The following NAALADL2 variants were observed in gnomAD, a reference collection of about 807,000 sequenced individuals.
NAALADL2 encodes N-acetylated alpha-linked acidic dipeptidase like 2.
A neutral mutation model predicts 87.2 loss-of-function variants in NAALADL2; 76 were observed. The ratio of observed to expected loss-of-function variants is 0.87; its 90% CI spans 0.72 to 1.05. NAALADL2 has a LOEUF of 1.05. Ranked by LOEUF, NAALADL2 falls within the 50% of genes least tolerant of loss-of-function variation. The pLI is 0.00. For missense variants in NAALADL2, 1,089 were observed against 945.8 expected (o/e 1.15, Z -1.99); for synonymous variants, 354 against 331.0 (o/e 1.07, Z -0.75).
chr3:175,323,006 A>G (rs1297771009), intron 4 of NAALADL2, among the ~76,000 whole-genome samples: 2 of 151,754 alleles, frequency 1.3e-5, no homozygotes, highest in African/African-American at 2.4e-5. Flanking sequence ...CCAAAAGACT[A>G]TAAATCATGC....
intron 5 of NAALADL2, among the ~76,000 whole-genome samples, chr3:175,326,472 C>A (rs747490691): frequency 3.3e-5 from 5 of 152,106 alleles, no homozygotes; most frequent in Non-Finnish European, 7.4e-5. Flanking sequence ...CAGCCTTTAC[C>A]CATTATCCAC....
chr3:174,603,670 G>T (rs1053095651), intron 2 of NAALADL2, among the ~76,000 whole-genome samples: 21 of 151,686 alleles, frequency 1.4e-4, no homozygotes, highest in African/African-American at 3.9e-4. Flanking sequence ...GCATTGTTAG[G>T]TTGTTTATTT....
intron 5 of NAALADL2, among the ~76,000 whole-genome samples, chr3:175,329,158 C>T (rs889388244): frequency 4.6e-5 from 7 of 152,120 alleles, no homozygotes; most frequent in African/African-American, 1.7e-4. Context: ...TCCTTATGTA[C>T]CATTTTCAGA....
chr3:174,498,185 G>A (rs66740959), intron 1 of NAALADL2, among the ~76,000 whole-genome samples: 63,526 of 151,824 alleles, frequency 0.42, 14,291 homozygotes, highest in East Asian at 0.88. Context: ...CCTCTTTGTA[G>A]TCCTTACCTC....
chr3:175,207,030 G>A (rs1741046454), intron 2 of NAALADL2, among the ~76,000 whole-genome samples: 1 of 152,034 alleles, frequency 6.6e-6, no homozygotes, highest in Non-Finnish European at 1.5e-5. Flanking sequence ...TACACGTATA[G>A]GATTATATAT....
intron 5 of NAALADL2, 64 bp downstream of exon 5, chr3:175,324,389 TAAA>T: frequency 1.6e-6 from 2 of 1,284,368 alleles, no homozygotes; most frequent in Non-Finnish European, 2.1e-6. Flanking sequence ...AATTTATAAA[TAAA>T]TGCTATCTAT....
At chr3:174,654,064 G>GTGTC (rs1220021170) in intron 2 of NAALADL2, among the ~76,000 whole-genome samples, 1 of 82,652 alleles carries the variant, frequency 1.2e-5, no homozygotes, top group African/African-American at 8.4e-5. Context: ...ATGGCTTTGT[G>GTGTC]TGTGTGTGTG....
At chr3:174,760,453 C>T (rs2109069234) in intron 3 of NAALADL2, among the ~76,000 whole-genome samples, 1 of 152,312 alleles carries the variant, frequency 6.6e-6, no homozygotes, top group South Asian at 2.1e-4. Flanking sequence ...TTCATTCATT[C>T]AATGGAATAC....
chr3:174,729,945 G>A (rs897691083), intron 2 of NAALADL2, among the ~76,000 whole-genome samples: 2 of 151,998 alleles, frequency 1.3e-5, no homozygotes, highest in Non-Finnish European at 2.9e-5. Context: ...ATGGCATTTG[G>A]CAAAGACAGG....
At chr3:175,727,017 A>G (rs1036351966) in intron 11 of NAALADL2, among the ~76,000 whole-genome samples, 3 of 152,154 alleles carry the variant, frequency 2.0e-5, no homozygotes, top group Middle Eastern at 3.4e-3. Flanking sequence ...TAAGAGCCCA[A>G]CTCTTTCATA....
At chr3:175,534,880 T>C (rs1315954164) in intron 9 of NAALADL2, among the ~76,000 whole-genome samples, 3 of 152,058 alleles carry the variant, frequency 2.0e-5, no homozygotes, top group East Asian at 3.9e-4. Flanking sequence ...GTTCTTGCCT[T>C]TCTTTCTTTG....
intron 2 of NAALADL2, among the ~76,000 whole-genome samples, chr3:175,137,695 G>T (rs1461517142): frequency 6.6e-6 from 1 of 150,862 alleles, no homozygotes; most frequent in Non-Finnish European, 1.5e-5. Context: ...TACCTCCTGG[G>T]TTCAAGTGAT....
intron 1 of NAALADL2, among the ~76,000 whole-genome samples, chr3:175,001,689 A>C (rs765046733): frequency 2.0e-5 from 3 of 152,062 alleles, no homozygotes; most frequent in Non-Finnish European, 2.9e-5. Flanking sequence ...TTCTGTGCCT[A>C]TTATTCTGCA....
intron 9 of NAALADL2, among the ~76,000 whole-genome samples, chr3:175,487,233 C>A (rs1325257799): frequency 6.6e-6 from 1 of 152,122 alleles, no homozygotes; most frequent in Non-Finnish European, 1.5e-5. Context: ...TTTGCAATCC[C>A]CACTGCACCC....
At chr3:175,208,798 A>G (rs2109241798) in intron 2 of NAALADL2, among the ~76,000 whole-genome samples, 1 of 152,310 alleles carries the variant, frequency 6.6e-6, no homozygotes, top group Middle Eastern at 3.4e-3. Context: ...TTAATAGATA[A>G]TATTATTTAA....
intron 9 of NAALADL2, among the ~76,000 whole-genome samples, chr3:175,567,841 G>A (rs1717439883): frequency 1.3e-5 from 2 of 150,970 alleles, no homozygotes; most frequent in Admixed American, 6.6e-5. Flanking sequence ...TCTACCTCCC[G>A]AGTAGCTGGG....
At chr3:174,842,349 C>T (rs1357086477) in intron 3 of NAALADL2, among the ~76,000 whole-genome samples, 1 of 152,120 alleles carries the variant, frequency 6.6e-6, no homozygotes, top group Non-Finnish European at 1.5e-5. Context: ...CTGCACCTGG[C>T]CACATTTAAA....
intron 1 of NAALADL2, among the ~76,000 whole-genome samples, chr3:174,870,371 A>G (rs1236237872): frequency 6.6e-6 from 1 of 152,130 alleles, no homozygotes; most frequent in Admixed American, 6.6e-5. Context: ...TAACATTAGG[A>G]AAGCATCCAT....
intron 1 of NAALADL2, among the ~76,000 whole-genome samples, chr3:174,441,759 G>A (rs547689726): frequency 7.1e-6 from 1 of 141,206 alleles, no homozygotes; most frequent in African/African-American, 2.7e-5. Context: ...TTTGTATTGC[G>A]TCTCTTGGTG....
Sources: gnomAD v4.1 joint callset for allele counts (sites outside exome capture counted in the v4.1 genomes callset) on GRCh38, gnomAD v4.1.1 for gene constraint, MANE v1.5 for transcripts, NCBI Gene and HGNC (gene_info 2026-07-23, HGNC 2026-07-21) for gene names.